COL4A1: variants seen among roughly 807,000 people sequenced by gnomAD.
The protein encoded by COL4A1 is collagen alpha-1(IV) chain.
A neutral mutation model predicts 216.6 loss-of-function variants in COL4A1; 40 were observed. The ratio of observed to expected loss-of-function variants is 0.18; its 90% confidence interval spans 0.14 to 0.24. The LOEUF (loss-of-function observed/expected upper bound fraction) is 0.24. COL4A1 is among the 10% of genes least tolerant of loss of function. The pLI is 1.00. For synonymous variants in COL4A1, 839 were observed against 810.7 expected (o/e 1.03, Z -0.59); for missense variants, 1,628 against 2,196.8 (o/e 0.74, Z 5.18).
rs370310091 is a variant in COL4A1 at position 110,231,952 on chromosome 13, C to T, written c.144+10723G>A. ...GTTAAGTCCTCAAGCTCTAGCAAGA[C>T]GTGTGTAAGAAATTCACATCTATCA... On this transcript the variant is annotated intron_variant, in intron 2 of 51. Coordinates refer to ENST00000375820, the MANE Select transcript of COL4A1 (RefSeq NM_001845.6). Among the ~76,000 whole-genome samples the T allele has an allele frequency of 8.4e-4, 128 of 152,330 alleles. 1 individual carries two copies. In the South Asian group the frequency reaches 0.025, roughly 30 times the overall value.
At chr13:110,281,909 T>G (rs2139301072) in intron 1 of COL4A1, among the ~76,000 whole-genome samples, 1 of 152,314 alleles carries the variant, frequency 6.6e-6, no homozygotes, top group South Asian at 2.1e-4. Flanking sequence ...TCTTTCGCAT[T>G]CCCCTGGCCA....
At chr13:110,171,074 C>G (rs1448949419) in intron 41 of COL4A1, among the ~76,000 whole-genome samples, 1 of 152,236 alleles carries the variant, frequency 6.6e-6, no homozygotes, top group Non-Finnish European at 1.5e-5. Context: ...AAGCCTCACT[C>G]CATCAGCACA....
chr13:110,207,586 A>G lies in COL4A1; in HGVS notation c.694-97T>C. ...GGTAAAAGCCTAAAATAAAACACCT[A>G]TTTTTAAAATGTAATTATACTCTAT... On this transcript the variant is annotated intron_variant, in intron 12 of 51. Transcript: ENST00000375820. This position sits in a 1 kb window ranked among gnomAD's most constrained non-coding sequence, Gnocchi z 4.4. 1.1e-6 allele frequency: 1 copy of G among 920,848 alleles called. No homozygotes were observed. The highest frequency in any genetic ancestry group is 2.4e-5 in the East Asian group (1 of 41,064). 57.0% of individuals were successfully genotyped at this position (920,848 alleles called of 1,614,324 possible).
At chr13:110,274,006 T>C (rs900454196) in intron 1 of COL4A1, among the ~76,000 whole-genome samples, 2 of 152,214 alleles carry the variant, frequency 1.3e-5, no homozygotes, top group African/African-American at 4.8e-5. Flanking sequence ...AAATTAAAAA[T>C]GAATTTTTAT....
intron 50 of COL4A1, among the ~76,000 whole-genome samples, chr13:110,154,349 T>A (rs541484125): frequency 2.6e-5 from 4 of 152,362 alleles, no homozygotes; most frequent in Admixed American, 1.3e-4. Flanking sequence ...CAGTTGGCTT[T>A]TGTGGGAAAG....
Position 110,211,627 on chromosome 13 carries a change from C to CAAAAT in COL4A1, c.468+15_468+19dup. ...ATTCCCTGTAATGAATCCAATAAAG[C>CAAAAT]AAAATAAAATAAAATGTACCTTCAT... is the stretch of plus-strand genomic sequence containing the variant. On this transcript the variant is annotated intron_variant, in intron 8 of 51. Coordinates refer to ENST00000375820, the MANE Select transcript of COL4A1 (RefSeq NM_001845.6). The surrounding 1 kb of genome is among the most constrained non-coding windows in gnomAD (Gnocchi z 4.3). The CAAAAT allele has an allele frequency of 6.2e-7, 1 of 1,610,070 alleles. No homozygotes were observed. Among genetic ancestry groups the CAAAAT allele is most frequent in the Non-Finnish European group, 8.5e-7 (1 of 1,178,626 alleles).
chr13:110,226,638 G>A (rs1368660390), intron 2 of COL4A1, among the ~76,000 whole-genome samples: 1 of 152,198 alleles, frequency 6.6e-6, no homozygotes, highest in Non-Finnish European at 1.5e-5. Flanking sequence ...AGCAGAGCTG[G>A]AGGTTTTACA....
At position 110,186,509 on chromosome 13, in the gene COL4A1, A is replaced by C. The variant is rs1017470397; in HGVS notation, c.1773T>G (p.Val591=). The stretch of plus-strand genomic sequence containing the variant: ...TGTCACCACGACTGCCTGGGAATCC[A>C]ACTCCTCCAGGGGGGCCACGCTCTC... ...LKGERGPPGG[V]GFPGSRGDTG... Residue 591 remains valine, a synonymous_variant, in exon 26 of 52, where the codon GTT becomes GTG. Coordinates refer to ENST00000375820, the MANE Select transcript of COL4A1 (RefSeq NM_001845.6). 1 of 1,613,906 alleles carries C rather than the reference A, an allele frequency of 6.2e-7. No individual in the cohort carries two copies. The highest frequency in any genetic ancestry group is 1.7e-5 in the Admixed American group (1 of 60,006).
At chr13:110,281,105 TCAA>T (rs1883615225) in intron 1 of COL4A1, among the ~76,000 whole-genome samples, 1 of 152,294 alleles carries the variant, frequency 6.6e-6, no homozygotes, top group Admixed American at 6.5e-5. Context: ...GCCAGAGAAC[TCAA>T]CAACATCTTT....
At position 110,211,701 on chromosome 13, in the gene COL4A1, T is replaced by C; in HGVS notation, c.442-28A>G. On this transcript the variant is annotated intron_variant, in intron 7 of 51. Transcript: ENST00000375820. This position sits in a 1 kb window ranked among gnomAD's most constrained non-coding sequence, Gnocchi z 4.3. ...AAAAAAGAAAGTTTTGGTGTTAGTT[T>C]TGTTTTTCTCAAAATATCATTAGCA... is the stretch of plus-strand genomic sequence containing the variant. The C allele has an allele frequency of 1.2e-6, 2 of 1,606,924 alleles. No homozygotes were observed. Among genetic ancestry groups the C allele is most frequent in the Non-Finnish European group, 1.7e-6 (2 of 1,176,568 alleles).
At chr13:110,292,488 A>G (rs1298521266) in intron 1 of COL4A1, among the ~76,000 whole-genome samples, 1 of 152,200 alleles carries the variant, frequency 6.6e-6, no homozygotes, top group Non-Finnish European at 1.5e-5. Flanking sequence ...TATAACTGCT[A>G]TAAAGATACT....
chr13:110,196,276 C>A (rs984332604), intron 21 of COL4A1, among the ~76,000 whole-genome samples: 1 of 152,196 alleles, frequency 6.6e-6, no homozygotes. Flanking sequence ...ACAGCCACTG[C>A]TAGGGACCTG....
At chr13:110,297,507 T>A (rs557620796) in intron 1 of COL4A1, among the ~76,000 whole-genome samples, 1 of 152,298 alleles carries the variant, frequency 6.6e-6, no homozygotes, top group African/African-American at 2.4e-5. Flanking sequence ...AGTTGCTGTT[T>A]GGGCAAATAA....
intron 2 of COL4A1, among the ~76,000 whole-genome samples, chr13:110,228,476 G>A (rs1031165566): frequency 6.6e-6 from 1 of 152,230 alleles, no homozygotes; most frequent in African/African-American, 2.4e-5. Context: ...GTGGCAGGGA[G>A]AACAGGGAAG....
In COL4A1 at chr13:110,222,771, TTAAAAAAAA is replaced by T. The variant is rs1419841522; in HGVS notation, c.145-8765_145-8757del. Among the ~76,000 whole-genome samples, 932 of 93,404 alleles carry T rather than the reference TTAAAAAAAA, an allele frequency of 1.0e-2. 46 individuals are homozygous for T. The highest frequency in any genetic ancestry group is 0.033 in the African/African-American group (852 of 25,502). 61.3% of individuals were successfully genotyped at this position (93,404 alleles called of 152,430 possible). A position where few individuals can be genotyped will look rare whatever the true frequency, so the allele number is the denominator to read the frequency against. ...CTGGGCGACAGAGCCAGACTCTGCT[TTAAAAAAAA>T]AAAAAAAAAAAAAAAAAAGAATTAA... On this transcript the variant is annotated intron_variant, in intron 2 of 51. Coordinates refer to ENST00000375820, the MANE Select transcript of COL4A1 (RefSeq NM_001845.6).
intron 50 of COL4A1, among the ~76,000 whole-genome samples, chr13:110,154,781 T>TAGTCATATGGAGAAGCTGGTCATAA: frequency 2.8e-5 from 1 of 35,302 alleles, no homozygotes; most frequent in East Asian, 1.3e-3. Context: ...GCTGGTCATA[T>TAGTCATATGGAGAAGCTGGTCATAA]AGAGAAGCTG....
At chr13:110,213,574 G>C (rs1041226780) in intron 4 of COL4A1, among the ~76,000 whole-genome samples, 1 of 152,202 alleles carries the variant, frequency 6.6e-6, no homozygotes, top group African/African-American at 2.4e-5. Context: ...AGCTCAGCCT[G>C]TGCACAGTCC....
chr13:110,153,093 C>A (rs192489709), intron 50 of COL4A1, among the ~76,000 whole-genome samples: 1 of 152,308 alleles, frequency 6.6e-6, no homozygotes, highest in African/African-American at 2.4e-5. Flanking sequence ...GAAATCAAGA[C>A]CTTAAAATGA....
intron 12 of COL4A1, among the ~76,000 whole-genome samples, chr13:110,208,088 C>G (rs1269782830): frequency 2.0e-5 from 3 of 152,234 alleles, no homozygotes; most frequent in African/African-American, 7.2e-5. Flanking sequence ...TTGCCTCCAC[C>G]AGCTTGGATG....
Sources: gnomAD v4.1 joint callset for allele counts (sites outside exome capture counted in the v4.1 genomes callset) on GRCh38, gnomAD v4.1.1 for gene constraint, Gnocchi (gnomAD v3.1) non-coding constraint, MANE v1.5 for transcripts, NCBI Gene and HGNC (gene_info 2026-07-23, HGNC 2026-07-21) for gene names.